CENPE: variants seen among roughly 807,000 people sequenced by gnomAD.
The protein encoded by CENPE is centromere-associated protein E.
A neutral mutation model predicts 336.1 loss-of-function variants in CENPE; 145 were observed. The ratio of observed to expected loss-of-function variants is 0.43; its 90% CI spans 0.38 to 0.50. The LOEUF (loss-of-function observed/expected upper bound fraction) is 0.50. CENPE is among the 20% of genes least tolerant of loss of function. The pLI is 0.00. For synonymous variants in CENPE, 1,013 were observed against 984.8 expected, an observed-to-expected ratio of 1.03 and a Z score of -0.54; for missense variants, 2,719 against 3,023.3, an observed-to-expected ratio of 0.90 and a Z score of 2.36.
rs193249553 is a variant in CENPE at position 103,147,520 on chromosome 4, C to A, written c.3970G>T (p.Ala1324Ser). 5 of 1,613,984 alleles carry A rather than the reference C, an allele frequency of 3.1e-6. No individual in the cohort carries two copies. In the Admixed American group the frequency reaches 8.3e-5, roughly 27 times the overall value. The change falls in exon 29 of 49, where the codon GCA (alanine) becomes TCA (serine). Residue 1324 changes from alanine to serine, a missense_variant. By Grantham distance (99) the Ala-to-Ser change is moderately conservative. This residue lies in a region of CENPE where 2,437 missense variants were observed against 2,513.3 expected (regional missense o/e 0.97). Transcript: ENST00000265148. ...CTGAGCCTTTCCATTTCTATTCTTG[C>A]CAGTGTTGTTGAGTCCTTGGTTGTG... ...QSTTKDSTTLARIEMERLRLN... is the reference protein window; with the variant it reads ...QSTTKDSTTLSRIEMERLRLN...
In CENPE at chr4:103,153,031, C is replaced by G. The variant is rs780614210; in HGVS notation, c.3237+16G>C. ...AGACAAAAAGGTAATGCCAAGTATACAGTGCTAAATCCTACCATTTCAATA... is the reference window on the plus strand; with the variant it reads ...AGACAAAAAGGTAATGCCAAGTATAGAGTGCTAAATCCTACCATTTCAATA... On this transcript the variant is annotated intron_variant, in intron 25 of 48. Transcript: ENST00000265148. 6.4e-7 allele frequency: 1 copy of G among 1,566,702 alleles called. No individual in the cohort carries two copies. Among genetic ancestry groups the G allele is most frequent in the South Asian group, 1.2e-5 (1 of 85,490 alleles).
intron 14 of CENPE, among the ~76,000 whole-genome samples, chr4:103,176,329 T>A (rs774844397): frequency 1.4e-4 from 21 of 152,180 alleles, no homozygotes; most frequent in Non-Finnish European, 2.2e-4. Context: ...TTGATCATTA[T>A]AAGTAGATTT....
intron 46 of CENPE, among the ~76,000 whole-genome samples, chr4:103,111,693 A>G (rs1202366163): frequency 1.3e-5 from 2 of 152,020 alleles, no homozygotes; most frequent in Non-Finnish European, 2.9e-5. Flanking sequence ...AGTCATCTAC[A>G]AATCAAGAAT....
chr4:103,109,011 A>T lies in CENPE; in HGVS notation c.7803T>A (p.Thr2601=). ...TAGGAGACTTTGGAGAATTCTCACA[A>T]GTTACTTGTTTGTGAGCCTCTCTTT... ...TLKREAHKQV[T]CENSPKSPKV... is the part of the protein sequence containing the mutation. Residue 2601 remains threonine, a synonymous_variant, in exon 48 of 49, where the codon ACT becomes ACA. Coordinates refer to ENST00000265148, the MANE Select transcript of CENPE (RefSeq NM_001813.3). 6.2e-7 allele frequency: 1 copy of T among 1,613,738 alleles called. No individual in the cohort carries two copies. The highest frequency in any genetic ancestry group is 8.5e-7 in the Non-Finnish European group (1 of 1,179,776).
At chr4:103,137,613 T>C (rs1752175295) in intron 39 of CENPE, among the ~76,000 whole-genome samples, 1 of 152,164 alleles carries the variant, frequency 6.6e-6, no homozygotes, top group South Asian at 2.1e-4. Flanking sequence ...GATGTAGTCA[T>C]AAACAAAACA....
At chr4:103,183,420 C>A in intron 9 of CENPE, 132 bp from the exon 10 acceptor site, 1 of 601,558 alleles carries the variant, frequency 1.7e-6, no homozygotes. Flanking sequence ...GACATGAGCC[C>A]ATCTTTAATA....
Position 103,138,409 on chromosome 4 carries a change from A to G in CENPE, c.6245T>C (p.Leu2082Pro). The G allele has an allele frequency of 1.9e-6, 3 of 1,613,768 alleles. No homozygotes were observed. The highest frequency in any genetic ancestry group is 2.5e-6 in the Non-Finnish European group (3 of 1,179,718). ...CGTAAGGTGCTGTTGTCCATCACTT[A>G]GTAACCTTTTTTCAGGTTTTACTTG... ...NHQVKPEKRL[L>P]SDGQQHLTES... Residue 2082 changes from leucine (L) to proline (P), a missense_variant, in exon 39 of 49, where the codon CTA becomes CCA. This residue lies in a region of CENPE where 2,437 missense variants were observed against 2,513.3 expected (regional missense o/e 0.97). Transcript: ENST00000265148.
At chr4:103,173,312 A>G (rs1755569855) in intron 16 of CENPE, among the ~76,000 whole-genome samples, 1 of 152,006 alleles carries the variant, frequency 6.6e-6, no homozygotes, top group Non-Finnish European at 1.5e-5. Flanking sequence ...CTATATGTTG[A>G]AGAAAAACTA....
chr4:103,166,138 T>C (rs540649189), intron 16 of CENPE, among the ~76,000 whole-genome samples: 1 of 152,308 alleles, frequency 6.6e-6, no homozygotes, highest in South Asian at 2.1e-4. Context: ...GTCATGTTAT[T>C]ATCACATATA....
rs764598669 is a variant in CENPE at position 103,158,257 on chromosome 4, T to C, written c.3033+43A>G. ...TTTAAGTATTTGAGGTTAAAGAGTA[T>C]ATATACAAGCATATGAAAACTCTGA... On this transcript the variant is annotated intron_variant, in intron 24 of 48. Transcript: ENST00000265148. 1.2e-5 allele frequency: 18 copies of C among 1,445,860 alleles called. 1 individual carries two copies. The South Asian group carries it at 2.0e-4, about 16-fold the overall frequency. 89.6% of individuals were successfully genotyped at this position (1,445,860 alleles called of 1,614,324 possible).
chr4:103,187,280 T>C (rs979114789), intron 8 of CENPE, among the ~76,000 whole-genome samples: 18 of 152,160 alleles, frequency 1.2e-4, no homozygotes, highest in African/African-American at 4.3e-4. Context: ...TTTTATCAAA[T>C]TCAGGAAATA....
At chr4:103,186,649 T>C (rs984776155) in intron 8 of CENPE, among the ~76,000 whole-genome samples, 1 of 152,208 alleles carries the variant, frequency 6.6e-6, no homozygotes, top group Non-Finnish European at 1.5e-5. Flanking sequence ...TCTGCTCTCA[T>C]GGAGCTTACA....
chr4:103,157,753 A>T (rs558497541), intron 24 of CENPE, among the ~76,000 whole-genome samples: 5 of 152,130 alleles, frequency 3.3e-5, no homozygotes, highest in South Asian at 2.1e-4. Context: ...ACCAATTTAA[A>T]AAATATATAC....
At chr4:103,130,480 G>C (rs555809227) in intron 42 of CENPE, among the ~76,000 whole-genome samples, 1 of 152,046 alleles carries the variant, frequency 6.6e-6, no homozygotes, top group East Asian at 1.9e-4. Context: ...AGATCTATAT[G>C]AGAAAAACTA....
chr4:103,196,207 T>G lies in CENPE; in HGVS notation c.194A>C (p.Glu65Ala). ...AGAATCGATGATTGGTGCTGCTATTTCTTCATACACATTTTTGGTAGTTTC... is the reference window on the plus strand; with the variant it reads ...AGAATCGATGATTGGTGCTGCTATTGCTTCATACACATTTTTGGTAGTTTC... Reference protein sequence around the residue: ...GNETTKNVYEEIAAPIIDSAI... With the variant: ...GNETTKNVYEAIAAPIIDSAI... Residue 65 changes from glutamate to alanine, a missense_variant, in exon 3 of 49, where the codon GAA (glutamate) becomes GCA (alanine). Glu to Ala is a moderately radical substitution (Grantham distance 107). This residue lies in a region of CENPE where 106 missense variants were observed against 189.3 expected (regional missense o/e 0.56). Coordinates refer to ENST00000265148, the MANE Select transcript of CENPE (RefSeq NM_001813.3). The G allele has an allele frequency of 6.2e-7, 1 of 1,613,894 alleles. No individual in the cohort carries two copies. Among genetic ancestry groups the G allele is most frequent in the Non-Finnish European group, 8.5e-7 (1 of 1,179,836 alleles).
chr4:103,112,019 CT>C (rs898535856), intron 46 of CENPE, among the ~76,000 whole-genome samples: 1 of 151,452 alleles, frequency 6.6e-6, no homozygotes, highest in Non-Finnish European at 1.5e-5. Flanking sequence ...TGTATATACA[CT>C]TTTTTAAAAA....
At chr4:103,128,291 C>G (rs893937545) in intron 42 of CENPE, among the ~76,000 whole-genome samples, 1 of 152,144 alleles carries the variant, frequency 6.6e-6, no homozygotes, top group Non-Finnish European at 1.5e-5. Context: ...GATAAAACTA[C>G]AAGGAGAAAT....
Position 103,143,411 on chromosome 4 carries a change from A to G in CENPE, c.5146-5T>C. The G allele has an allele frequency of 6.4e-7, 1 of 1,557,516 alleles. No individual in the cohort carries two copies. The highest frequency in any genetic ancestry group is 8.8e-7 in the Non-Finnish European group (1 of 1,131,598). ...CTCCTCTTGTTTTTCTAGGTCCTTT[A>G]TCAATAGAAAAATAAAAATAATACA... On this transcript the variant is annotated splice_polypyrimidine_tract_variant and splice_region_variant and intron_variant, in intron 33 of 48. Transcript: ENST00000265148.
intron 13 of CENPE, among the ~76,000 whole-genome samples, chr4:103,179,310 C>T (rs541165532): frequency 1.7e-4 from 26 of 152,344 alleles, no homozygotes; most frequent in Non-Finnish European, 3.5e-4. Context: ...TGATGTCACA[C>T]ACAAGGCTGT....
Sources: gnomAD v4.1 joint callset for allele counts (sites outside exome capture counted in the v4.1 genomes callset) on GRCh38, gnomAD v4.1.1 for gene constraint, gnomAD v4.1.1 regional missense constraint, MANE v1.5 for transcripts, NCBI Gene and HGNC (gene_info 2026-07-23, HGNC 2026-07-21) for gene names.